Variants in ANXA8 observed in about 807,000 individuals in gnomAD.
ANXA8 encodes annexin A8, also known as VAC-beta.
ANXA8 carries 9 observed loss-of-function variants against 26.8 expected under a neutral mutation model. The observed-to-expected ratio is 0.34, with a 90% CI of 0.20 to 0.59. ANXA8 has a LOEUF of 0.59. Among genes scored for constraint, ANXA8 ranks in the 20% least tolerant of loss-of-function variants. The pLI, the probability that ANXA8 is intolerant of heterozygous loss-of-function variation, is 0.84. For missense variants in ANXA8, 83 were observed against 238.5 expected, an observed-to-expected ratio of 0.35 and a Z score of 4.29; for synonymous variants, 39 against 94.8, an observed-to-expected ratio of 0.41 and a Z score of 3.42.
the ANXA8 span, among the ~76,000 whole-genome samples, chr10:47,733,224 T>TCTCTCTCTCTC: frequency 1.4e-5 from 1 of 72,418 alleles, no homozygotes; most frequent in African/African-American, 5.2e-5. Flanking sequence ...TTTCTTTCTC[T>TCTCTCTCTCTC]TTCTTTCTCT....
chr10:47,687,632 C>T, the ANXA8 span, among the ~76,000 whole-genome samples: 1 of 151,838 alleles, frequency 6.6e-6, no homozygotes, highest in Admixed American at 6.6e-5. Context: ...GTATTTTGAA[C>T]TTGAAGGCTT....
At chr10:47,507,971 C>T in the ANXA8 span, among the ~76,000 whole-genome samples, 1 of 106,736 alleles carries the variant, frequency 9.4e-6, no homozygotes, top group Admixed American at 1.1e-4. Flanking sequence ...CTTGACTCCT[C>T]ACAACCTCCA....
the ANXA8 span, among the ~76,000 whole-genome samples, chr10:47,644,202 C>G: frequency 6.8e-6 from 1 of 146,840 alleles, no homozygotes; most frequent in Non-Finnish European, 1.5e-5. Context: ...AACTGCACGT[C>G]CAGGATACTC....
At chr10:47,546,665 G>A in the ANXA8 span, among the ~76,000 whole-genome samples, 3 of 133,934 alleles carry the variant, frequency 2.2e-5, no homozygotes, top group South Asian at 7.3e-4. Flanking sequence ...CTTGGCCTCC[G>A]AAGTGCTGGG....
the ANXA8 span, among the ~76,000 whole-genome samples, chr10:47,680,593 C>T: frequency 6.6e-6 from 1 of 151,676 alleles, no homozygotes; most frequent in Non-Finnish European, 1.5e-5. Flanking sequence ...TGAGATTGCG[C>T]CATCGCACTC....
At chr10:47,488,055 C>T (rs1399185248), upstream of ANXA8, among the ~76,000 whole-genome samples, 2 of 138,212 alleles carry the variant, frequency 1.4e-5, no homozygotes, top group African/African-American at 2.6e-5. Flanking sequence ...AGAGCTAGCT[C>T]CTTCCACCAT....
At chr10:47,507,884 G>A in the ANXA8 span, among the ~76,000 whole-genome samples, 1 of 98,138 alleles carries the variant, frequency 1.0e-5, no homozygotes, top group Admixed American at 1.1e-4. Flanking sequence ...CGTCCCATGC[G>A]ATTTATTTTA....
the ANXA8 span, among the ~76,000 whole-genome samples, chr10:47,749,689 TA>T: frequency 4.0e-5 from 6 of 150,784 alleles, no homozygotes; most frequent in African/African-American, 1.5e-4. Flanking sequence ...GAAACGGAAT[TA>T]AAAAAATAAT....
At chr10:47,708,459 TG>T in the ANXA8 span, among the ~76,000 whole-genome samples, 3 of 142,974 alleles carry the variant, frequency 2.1e-5, 1 homozygote, top group African/African-American at 7.4e-5. Context: ...CACTTATAAG[TG>T]GGAGCTAAAC....
chr10:47,487,437 G>A, upstream of ANXA8: 1 of 954,388 alleles, frequency 1.0e-6, no homozygotes, highest in Admixed American at 2.7e-5. Context: ...ATGTCCTAGT[G>A]ATCCACCTGC....
the ANXA8 span, among the ~76,000 whole-genome samples, chr10:47,920,237 CT>C: frequency 0.047 from 3,153 of 66,748 alleles, 31 homozygotes; most frequent in African/African-American, 0.09. Context: ...AAATGAGACT[CT>C]TTTTTTTTTT....
the ANXA8 span, among the ~76,000 whole-genome samples, chr10:47,660,187 C>T: frequency 2.0e-5 from 3 of 146,506 alleles, no homozygotes; most frequent in African/African-American, 7.9e-5. Flanking sequence ...TTTGTATATT[C>T]CCAAAATAAA....
chr10:47,513,695 A>T, the ANXA8 span, among the ~76,000 whole-genome samples: 1 of 140,274 alleles, frequency 7.1e-6, no homozygotes. Flanking sequence ...AGGCACATAC[A>T]CCAATGGAAT....
At chr10:47,519,456 A>G in the ANXA8 span, among the ~76,000 whole-genome samples, 1 of 119,224 alleles carries the variant, frequency 8.4e-6, no homozygotes, top group African/African-American at 3.3e-5. Context: ...CAACAGAGTG[A>G]GACTCCATTT....
At chr10:47,684,120 T>C in the ANXA8 span, among the ~76,000 whole-genome samples, 1 of 151,842 alleles carries the variant, frequency 6.6e-6, no homozygotes, top group Admixed American at 6.5e-5. Flanking sequence ...TTAACTGCGG[T>C]AATGGAGATG....
chr10:47,895,784 T>C, the ANXA8 span, among the ~76,000 whole-genome samples: 1 of 149,600 alleles, frequency 6.7e-6, no homozygotes, highest in Non-Finnish European at 1.5e-5. Context: ...TGAACAATAT[T>C]ATGGGGTGGC....
chr10:47,687,253 T>C, the ANXA8 span, among the ~76,000 whole-genome samples: 1 of 151,506 alleles, frequency 6.6e-6, no homozygotes, highest in African/African-American at 2.4e-5. Flanking sequence ...TATCTAAGTA[T>C]TCCCACCAAC....
chr10:47,487,881 T>A (rs1475011126), upstream of ANXA8, among the ~76,000 whole-genome samples: 30 of 150,964 alleles, frequency 2.0e-4, no homozygotes, highest in Middle Eastern at 0.017. Context: ...TTCTCCCCTC[T>A]CCAAGATTAG....
upstream of ANXA8, chr10:47,484,754 C>CAT: frequency 1.4e-6 from 1 of 694,504 alleles, no homozygotes; most frequent in Non-Finnish European, 2.2e-6. Flanking sequence ...GAACAGGTTT[C>CAT]ATATTGCTTT....
Sources: gnomAD v4.1 joint callset for allele counts (sites outside exome capture counted in the v4.1 genomes callset) on GRCh38, gnomAD v4.1.1 for gene constraint, MANE v1.5 for transcripts, NCBI Gene and HGNC (gene_info 2026-07-23, HGNC 2026-07-21) for gene names.